SYN3: variants seen among roughly 807,000 people sequenced by gnomAD.
SYN3 encodes synapsin III.
SYN3 carries 35 observed loss-of-function variants against 65.8 expected under a neutral mutation model. The observed-to-expected ratio is 0.53, with a 90% CI of 0.41 to 0.70. The LOEUF (loss-of-function observed/expected upper bound fraction) is 0.70. Among genes scored for constraint, SYN3 ranks in the 30% least tolerant of loss-of-function variants. The pLI, the probability that SYN3 is intolerant of heterozygous loss-of-function variation, is 0.00. For missense variants in SYN3, 680 were observed against 749.0 expected, an observed-to-expected ratio of 0.91 and a Z score of 1.08; for synonymous variants, 270 against 292.9, an observed-to-expected ratio of 0.92 and a Z score of 0.80.
chr22:32,975,369 G>A (rs1248004459), intron 3 of SYN3, among the ~76,000 whole-genome samples: 4 of 127,402 alleles, frequency 3.1e-5, no homozygotes, highest in East Asian at 4.2e-4. Context: ...GTGAGACTCC[G>A]CCTCAAAAAA....
chr22:32,511,016 T>TGTGTGTGTGTG lies in SYN3; in HGVS notation c.*2675_*2676insCACACACACAC, dbSNP rs1256703339. Among the ~76,000 whole-genome samples, 7 of 108,704 alleles carry TGTGTGTGTGTG rather than the reference T, an allele frequency of 6.4e-5. No individual in the cohort carries two copies. Among genetic ancestry groups the TGTGTGTGTGTG allele is most frequent in the African/African-American group, 2.1e-4 (7 of 33,592 alleles). The allele number at this position is 108,704 out of a possible 152,430, so 71.3% of individuals were successfully genotyped here. The stretch of plus-strand genomic sequence containing the variant: ...GTGTGTGTGTGTGTGTGTGTGTGTG[T>TGTGTGTGTGTG]AAGGGGACTCCTAGAATCACTGGCT... On this transcript the variant is annotated 3_prime_UTR_variant, in exon 14 of 14. Coordinates refer to ENST00000358763, the MANE Select transcript of SYN3 (RefSeq NM_003490.4).
intron 4 of SYN3, among the ~76,000 whole-genome samples, chr22:32,925,167 CTGA>C (rs1292137174): frequency 6.6e-6 from 1 of 152,136 alleles, no homozygotes; most frequent in Non-Finnish European, 1.5e-5. Flanking sequence ...CTCCTAGCTT[CTGA>C]TGATTGTCAG....
In SYN3 at chr22:32,508,850, T is replaced by C. The variant is rs552878012; in HGVS notation, c.*4842A>G. Reference sequence around the variant, plus strand: ...TCACTCTCTTGACCCATGCACAAGATACCTGCACTAGCTTGCCAGATGAGA... The same window carrying C: ...TCACTCTCTTGACCCATGCACAAGACACCTGCACTAGCTTGCCAGATGAGA... On this transcript the variant is annotated 3_prime_UTR_variant, in exon 14 of 14. Transcript: ENST00000358763. 2.0e-5 allele frequency among the ~76,000 whole-genome samples: 3 copies of C among 152,338 alleles called. No individual in the cohort carries two copies. The South Asian group carries it at 6.2e-4, about 32-fold the overall frequency.
intron 4 of SYN3, among the ~76,000 whole-genome samples, chr22:32,917,857 C>G (rs1026402135): frequency 1.3e-5 from 2 of 152,260 alleles, no homozygotes; most frequent in South Asian, 4.1e-4. Flanking sequence ...TTGTGCTGCT[C>G]TCTTCCCGTT....
At chr22:32,701,192 T>C (rs1158830766) in intron 6 of SYN3, among the ~76,000 whole-genome samples, 1 of 152,238 alleles carries the variant, frequency 6.6e-6, no homozygotes, top group Admixed American at 6.5e-5. Context: ...ACACAGTTGA[T>C]TGAGTCACAC....
At chr22:32,596,610 G>A (rs992749957) in intron 7 of SYN3, 64 bp downstream of exon 7, 32 of 1,555,252 alleles carry the variant, frequency 2.1e-5, no homozygotes, top group South Asian at 4.6e-5. Flanking sequence ...GAGGGAGAGA[G>A]GAACAGGTAG....
intron 1 of SYN3, among the ~76,000 whole-genome samples, chr22:33,036,102 T>G (rs2053855154): frequency 6.6e-6 from 1 of 152,186 alleles, no homozygotes; most frequent in Non-Finnish European, 1.5e-5. Flanking sequence ...TATAAGCATT[T>G]GCCTTACCGC....
At chr22:32,670,909 G>A (rs2060351734) in intron 6 of SYN3, among the ~76,000 whole-genome samples, 1 of 152,220 alleles carries the variant, frequency 6.6e-6, no homozygotes, top group South Asian at 2.1e-4. Flanking sequence ...AAAAGGCAGC[G>A]CTGACAGCAC....
intron 4 of SYN3, among the ~76,000 whole-genome samples, chr22:32,918,658 G>C (rs1601693991): frequency 6.6e-6 from 1 of 152,240 alleles, no homozygotes; most frequent in Non-Finnish European, 1.5e-5. Flanking sequence ...GGGTCTCCCT[G>C]AGGAGGCGAC....
At chr22:32,850,876 C>T (rs976803714) in intron 6 of SYN3, among the ~76,000 whole-genome samples, 3 of 152,184 alleles carry the variant, frequency 2.0e-5, no homozygotes, top group Non-Finnish European at 2.9e-5. Flanking sequence ...ACGCAGCCCA[C>T]GGTGGTACCC....
intron 1 of SYN3, among the ~76,000 whole-genome samples, chr22:33,050,865 T>C (rs1226455435): frequency 6.6e-6 from 1 of 152,202 alleles, no homozygotes; most frequent in African/African-American, 2.4e-5. Flanking sequence ...GGGTTAATTT[T>C]ACCCACTACC....
intron 2 of SYN3, among the ~76,000 whole-genome samples, chr22:32,989,083 G>A (rs1032469672): frequency 2.0e-5 from 3 of 152,168 alleles, no homozygotes; most frequent in African/African-American, 4.8e-5. Context: ...GCTGCTCCCC[G>A]ATGGGCTGCA....
In SYN3 at chr22:32,716,743, G is replaced by A. The variant is rs1416516578; in HGVS notation, c.712-120007C>T. Among the ~76,000 whole-genome samples the A allele has an allele frequency of 3.3e-5, 5 of 152,028 alleles. No homozygotes were observed. The South Asian group carries it at 1.0e-3, about 32-fold the overall frequency. ...TTGCCATGTTGCCCAGGCTGGTCTCGAATTCCTGAGCTCAAGTAATCCACC... is the reference window on the plus strand; with the variant it reads ...TTGCCATGTTGCCCAGGCTGGTCTCAAATTCCTGAGCTCAAGTAATCCACC... On this transcript the variant is annotated intron_variant, in intron 6 of 13. Transcript: ENST00000358763.
intron 4 of SYN3, among the ~76,000 whole-genome samples, chr22:32,929,381 A>G (rs1284726772): frequency 6.6e-6 from 1 of 152,104 alleles, no homozygotes; most frequent in Non-Finnish European, 1.5e-5. Flanking sequence ...TGATATGTAT[A>G]GTTTTTAAAA....
intron 3 of SYN3, among the ~76,000 whole-genome samples, chr22:32,944,625 A>G (rs1015131571): frequency 2.6e-5 from 4 of 152,212 alleles, no homozygotes; most frequent in Admixed American, 2.6e-4. Flanking sequence ...TCCCCTTGAA[A>G]ACTGGCATAA....
At chr22:32,564,221 A>T (rs1349332147) in intron 7 of SYN3, among the ~76,000 whole-genome samples, 1 of 152,170 alleles carries the variant, frequency 6.6e-6, no homozygotes, top group Admixed American at 6.5e-5. Flanking sequence ...GAGCCAAATG[A>T]TAGAACCATT....
At chr22:32,855,107 G>T (rs140299120) in intron 6 of SYN3, among the ~76,000 whole-genome samples, 50 of 152,262 alleles carry the variant, frequency 3.3e-4, no homozygotes, top group African/African-American at 8.9e-4. Flanking sequence ...TAAACCCTTG[G>T]GACAAGCCCA....
At chr22:32,781,341 A>G (rs373103829) in intron 6 of SYN3, among the ~76,000 whole-genome samples, 1 of 152,058 alleles carries the variant, frequency 6.6e-6, no homozygotes, top group African/African-American at 2.4e-5. Flanking sequence ...TACATCCTCA[A>G]TAAATCCCTG....
intron 4 of SYN3, among the ~76,000 whole-genome samples, chr22:32,928,788 A>G (rs1463970518): frequency 6.6e-6 from 1 of 152,130 alleles, no homozygotes; most frequent in East Asian, 1.9e-4. Context: ...ATTCTGATTA[A>G]ATGAATATTA....
Sources: gnomAD v4.1 joint callset for allele counts (sites outside exome capture counted in the v4.1 genomes callset) on GRCh38, gnomAD v4.1.1 for gene constraint, MANE v1.5 for transcripts, NCBI Gene and HGNC (gene_info 2026-07-23, HGNC 2026-07-21) for gene names.